SIRPG: variants seen among roughly 807,000 people sequenced by gnomAD.
The protein encoded by SIRPG is signal regulatory protein gamma, also known as signal-regulatory protein gamma.
Under a neutral mutation model 35.7 loss-of-function variants are expected in SIRPG, and 38 were observed. The ratio of observed to expected loss-of-function variants is 1.06; its 90% CI spans 0.82 to 1.40. The LOEUF (loss-of-function observed/expected upper bound fraction) is 1.40, where lower values mean the gene tolerates loss of function less well. Among genes scored for constraint, SIRPG ranks in the 40% most tolerant of loss-of-function variants. The probability of loss-of-function intolerance (pLI) is 0.00; values close to 1 mark genes in which losing one functional copy is unlikely to be tolerated. For synonymous variants in SIRPG, 215 were observed against 190.4 expected, an observed-to-expected ratio of 1.13 and a Z score of -1.06; for missense variants, 519 against 483.0, an observed-to-expected ratio of 1.07 and a Z score of -0.70.
At chr20:1,634,849 C>T (rs1217326490) in intron 4 of SIRPG, among the ~76,000 whole-genome samples, 1 of 151,772 alleles carries the variant, frequency 6.6e-6, no homozygotes, top group African/African-American at 2.4e-5. Flanking sequence ...CGAGACCATC[C>T]TGGCTAACAC....
intron 2 of SIRPG, among the ~76,000 whole-genome samples, chr20:1,644,013 C>T (rs922817144): frequency 7.9e-5 from 12 of 152,164 alleles, no homozygotes; most frequent in Non-Finnish European, 1.8e-4. Context: ...TGTAGGGTGT[C>T]CGACAACCCC....
intron 2 of SIRPG, among the ~76,000 whole-genome samples, chr20:1,638,998 C>A (rs1319334604): frequency 6.6e-6 from 1 of 152,040 alleles, no homozygotes; most frequent in Non-Finnish European, 1.5e-5. Flanking sequence ...TATGTACCAC[C>A]TTTTCTTTGT....
In SIRPG at chr20:1,636,517, G is replaced by A. The variant is rs41275438; in HGVS notation, c.431-12C>T. On this transcript the variant is annotated splice_polypyrimidine_tract_variant and intron_variant, in intron 2 of 5. Transcript: ENST00000303415. ...GGCAGAGGGTTTGGCTACAAAAGGGGCATCGATAAACAGGAGACATGACTG... is the reference window on the plus strand; with the variant it reads ...GGCAGAGGGTTTGGCTACAAAAGGGACATCGATAAACAGGAGACATGACTG... The A allele has an allele frequency of 5.6e-6, 9 of 1,613,568 alleles. No homozygotes were observed. In the South Asian group the frequency reaches 6.6e-5, roughly 12 times the overall value.
chr20:1,643,422 G>C (rs1395815130), intron 2 of SIRPG, among the ~76,000 whole-genome samples: 3 of 152,052 alleles, frequency 2.0e-5, no homozygotes, highest in Non-Finnish European at 4.4e-5. Context: ...GCTCCATCAG[G>C]TCATTTATGT....
At chr20:1,664,107 C>A in the SIRPG span, among the ~76,000 whole-genome samples, 1 of 152,144 alleles carries the variant, frequency 6.6e-6, no homozygotes, top group Non-Finnish European at 1.5e-5. Flanking sequence ...CTCTTTGTAA[C>A]AATCAAACCT....
rs35561366 is a variant in SIRPG, at chr20:1,649,629, C to CTTTTT, written c.74-226_74-222dup. Among the ~76,000 whole-genome samples the CTTTTT allele has an allele frequency of 1.7e-3, 127 of 75,782 alleles. 5 individuals are homozygous for CTTTTT. Among genetic ancestry groups the CTTTTT allele is most frequent in the African/African-American group, 6.2e-3 (108 of 17,512 alleles). The allele number at this position is 75,782 out of a possible 152,430, so 49.7% of individuals were successfully genotyped here. ...CTGAGGCCTGAGGCACAGAGAGGTT[C>CTTTTT]TTTTTTTTTTTTTTTTTTTTTTTTT... On this transcript the variant is annotated intron_variant, in intron 1 of 5. Coordinates refer to ENST00000303415, the MANE Select transcript of SIRPG (RefSeq NM_018556.4).
the SIRPG span, among the ~76,000 whole-genome samples, chr20:1,679,715 T>G: frequency 6.6e-6 from 1 of 152,190 alleles, no homozygotes; most frequent in Non-Finnish European, 1.5e-5. Flanking sequence ...CAGGACTTAC[T>G]CTACCATTTT....
chr20:1,637,909 T>C (rs2091817414), intron 2 of SIRPG, among the ~76,000 whole-genome samples: 1 of 152,174 alleles, frequency 6.6e-6, no homozygotes. Context: ...AAATTGCTAA[T>C]TATTACCCTG....
intron 1 of SIRPG, among the ~76,000 whole-genome samples, chr20:1,653,909 A>G (rs2091958475): frequency 6.6e-6 from 1 of 152,192 alleles, no homozygotes; most frequent in African/African-American, 2.4e-5. Context: ...AAATCTCCAA[A>G]TGTGATATGC....
rs1348870294 is a variant in SIRPG, at chr20:1,636,326, C to T, written c.610G>A (p.Ala204Thr). The T allele has an allele frequency of 1.9e-6, 3 of 1,614,236 alleles. No individual in the cohort carries two copies. Among genetic ancestry groups the T allele is most frequent in the Non-Finnish European group, 2.5e-6 (3 of 1,180,040 alleles). The change falls in exon 3 of 6, where the codon GCC becomes ACC. Residue 204 changes from alanine (A) to threonine (T), a missense_variant. Ala to Thr is a moderately conservative substitution (Grantham distance 58). Transcript: ENST00000303415. ...TNVDPTGQSV[A>T]YSIRSTARVV... ...CTGGCTGTGCTGCGGATGCTGTAGG[C>T]CACACTCTGTCCTGTGGGGTCCACG...
At chr20:1,669,357 G>A in the SIRPG span, among the ~76,000 whole-genome samples, 3 of 152,364 alleles carry the variant, frequency 2.0e-5, no homozygotes, top group East Asian at 5.8e-4. Context: ...GAGTATAGAT[G>A]AACGGAAATT....
chr20:1,641,911 T>C (rs2091855362), intron 2 of SIRPG, among the ~76,000 whole-genome samples: 1 of 152,186 alleles, frequency 6.6e-6, no homozygotes, highest in Non-Finnish European at 1.5e-5. Flanking sequence ...TTTGAGTGAG[T>C]TTCTTAATTC....
the SIRPG span, among the ~76,000 whole-genome samples, chr20:1,674,615 C>G: frequency 6.6e-6 from 1 of 152,176 alleles, no homozygotes; most frequent in East Asian, 1.9e-4. Context: ...CAGTAATAAC[C>G]TGAACAACAC....
intron 1 of SIRPG, among the ~76,000 whole-genome samples, chr20:1,656,470 T>C (rs1293156975): frequency 1.3e-5 from 2 of 152,096 alleles, no homozygotes; most frequent in African/African-American, 4.8e-5. Context: ...TTGGGTACAG[T>C]GTATGTGTAA....
At chr20:1,630,123 C>T in intron 5 of SIRPG, 99 bp downstream of exon 5, 1 of 944,938 alleles carries the variant, frequency 1.1e-6, no homozygotes, top group South Asian at 1.4e-5. Context: ...GAGCTTAACT[C>T]CACGGACCCT....
intron 2 of SIRPG, among the ~76,000 whole-genome samples, chr20:1,645,500 G>A (rs1166149976): frequency 6.6e-6 from 1 of 152,168 alleles, no homozygotes; most frequent in Non-Finnish European, 1.5e-5. Flanking sequence ...TATCCTTGAG[G>A]CCTGGAGGAG....
rs190133202 is a variant in SIRPG at position 1,633,226 on chromosome 20, A to T, written c.1081+2041T>A. Among the ~76,000 whole-genome samples, 1,078 of 152,270 alleles carry T rather than the reference A, an allele frequency of 7.1e-3. 5 individuals are homozygous for T. Among genetic ancestry groups the T allele is most frequent in the Non-Finnish European group, 0.012 (786 of 68,026 alleles). ...GAAATGAATAATATGAGTAACCCTAAACTACTGAGGAAATTGAATTTATAC... is the reference window on the plus strand; with the variant it reads ...GAAATGAATAATATGAGTAACCCTATACTACTGAGGAAATTGAATTTATAC... On this transcript the variant is annotated intron_variant, in intron 4 of 5. Transcript: ENST00000303415.
At position 1,641,580 on chromosome 20, in the gene SIRPG, G is replaced by T. The variant is rs571463193; in HGVS notation, c.431-5075C>A. Reference sequence around the variant, plus strand: ...TCTGGATTCATTGATTTTTTGAAGGGTTTTTTGTGTCTTTATCTCCTTCAG... The same window carrying T: ...TCTGGATTCATTGATTTTTTGAAGGTTTTTTTGTGTCTTTATCTCCTTCAG... On this transcript the variant is annotated intron_variant, in intron 2 of 5. Transcript: ENST00000303415. 1.1e-4 allele frequency among the ~76,000 whole-genome samples: 16 copies of T among 152,058 alleles called. No individual in the cohort carries two copies. In the South Asian group the frequency reaches 2.9e-3, roughly 28 times the overall value.
At chr20:1,655,405 C>T (rs1004851979) in intron 1 of SIRPG, among the ~76,000 whole-genome samples, 13 of 151,982 alleles carry the variant, frequency 8.6e-5, no homozygotes, top group Admixed American at 7.9e-4. Flanking sequence ...GGACATTCTG[C>T]TAAGTGAAAT....
Sources: allele counts gnomAD v4.1 joint callset (sites outside exome capture counted in the v4.1 genomes callset), GRCh38; gene constraint gnomAD v4.1.1; transcripts MANE v1.5; gene names NCBI Gene and HGNC (gene_info 2026-07-23, HGNC 2026-07-21).